The following PLCL2 variants were observed in gnomAD, a reference collection of about 807,000 sequenced individuals.
The protein encoded by PLCL2 is phospholipase C like 2.
A neutral mutation model predicts 79.6 loss-of-function variants in PLCL2; 4 were observed. The observed-to-expected ratio is 0.05, with a 90% CI of 0.02 to 0.11. PLCL2 has a LOEUF of 0.11. Ranked by LOEUF, PLCL2 falls within the 10% of genes least tolerant of loss-of-function variation. The probability of loss-of-function intolerance (pLI) is 1.00; values close to 1 mark genes in which losing one functional copy is unlikely to be tolerated. For synonymous variants in PLCL2, 484 were observed against 457.7 expected (o/e 1.06, Z -0.73); for missense variants, 895 against 1,291.0 (o/e 0.69, Z 4.70).
intron 1 of PLCL2, among the ~76,000 whole-genome samples, chr3:16,998,199 A>ATT (rs11425532): frequency 6.6e-6 from 1 of 151,448 alleles, no homozygotes; most frequent in African/African-American, 2.4e-5. Flanking sequence ...GAGGAAAATA[A>ATT]TTTTTTTTTC....
intron 1 of PLCL2, among the ~76,000 whole-genome samples, chr3:17,002,834 C>T (rs1299673241): frequency 6.6e-6 from 1 of 152,044 alleles, no homozygotes; most frequent in Non-Finnish European, 1.5e-5. Context: ...TTTCTATTGA[C>T]CTATCTGCAA....
At chr3:17,002,730 G>A (rs967680865) in intron 1 of PLCL2, among the ~76,000 whole-genome samples, 29 of 151,926 alleles carry the variant, frequency 1.9e-4, no homozygotes, top group African/African-American at 2.7e-4. Flanking sequence ...TTGTTTTCAC[G>A]TATGTTAGAT....
intron 1 of PLCL2, among the ~76,000 whole-genome samples, chr3:16,891,499 A>G (rs760132450): frequency 3.9e-5 from 6 of 152,136 alleles, no homozygotes; most frequent in Non-Finnish European, 8.8e-5. Context: ...GGCATGTTCC[A>G]TAAATGCTTT....
At chr3:16,966,380 G>A (rs1264926837) in intron 1 of PLCL2, among the ~76,000 whole-genome samples, 1 of 152,204 alleles carries the variant, frequency 6.6e-6, no homozygotes, top group African/African-American at 2.4e-5. Context: ...ACTTGATCAT[G>A]GTGGATAAGC....
intron 1 of PLCL2, among the ~76,000 whole-genome samples, chr3:16,911,964 A>G (rs1446312019): frequency 2.0e-5 from 3 of 152,198 alleles, no homozygotes; most frequent in Non-Finnish European, 4.4e-5. Flanking sequence ...TATATGTATA[A>G]GATGTATATG....
intron 1 of PLCL2, among the ~76,000 whole-genome samples, chr3:16,958,323 ATGTT>A (rs1215287980): frequency 2.6e-5 from 4 of 152,246 alleles, no homozygotes; most frequent in African/African-American, 4.8e-5. Flanking sequence ...TTTTAAAACA[ATGTT>A]TGTAAAAATG....
Position 17,009,655 on chromosome 3 carries a change from G to T in PLCL2, c.328-19G>T. Reference sequence around the variant, plus strand: ...CTATATTTATGTTATTCTAATATACGGTCTTTTTTTCCTCTCAGGATGGTA... The same window carrying T: ...CTATATTTATGTTATTCTAATATACTGTCTTTTTTTCCTCTCAGGATGGTA... On this transcript the variant is annotated intron_variant, in intron 1 of 5. Transcript: ENST00000615277. This position sits in a 1 kb window ranked among gnomAD's most constrained non-coding sequence, Gnocchi z 4.0. The T allele has an allele frequency of 1.5e-6, 2 of 1,290,500 alleles. No homozygotes were observed. The highest frequency in any genetic ancestry group is 1.4e-5 in the South Asian group (1 of 70,748). The allele number at this position is 1,290,500 out of a possible 1,614,324, so 79.9% of individuals were successfully genotyped here.
chr3:17,008,340 T>C (rs1258694597), intron 1 of PLCL2, among the ~76,000 whole-genome samples: 1 of 150,590 alleles, frequency 6.6e-6, no homozygotes, highest in Non-Finnish European at 1.5e-5. Context: ...AGAGAGGAAT[T>C]TCTGCTGGAA....
At chr3:17,071,058 A>C (rs1244784037) in intron 5 of PLCL2, among the ~76,000 whole-genome samples, 1 of 152,090 alleles carries the variant, frequency 6.6e-6, no homozygotes, top group East Asian at 1.9e-4. Context: ...TTCTTGGGGG[A>C]TTCTGAGGCA....
intron 1 of PLCL2, among the ~76,000 whole-genome samples, chr3:16,939,809 G>A (rs367559546): frequency 1.1e-4 from 16 of 152,180 alleles, no homozygotes; most frequent in African/African-American, 3.1e-4. Context: ...GTTTTCCTAC[G>A]AAGTAACATA....
At chr3:17,075,211 A>G (rs962661485) in intron 5 of PLCL2, among the ~76,000 whole-genome samples, 4 of 152,128 alleles carry the variant, frequency 2.6e-5, no homozygotes, top group African/African-American at 7.2e-5. Context: ...TAATTTTCAT[A>G]TTGTTATGTC....
chr3:16,904,064 C>T (rs1052136063), intron 1 of PLCL2, among the ~76,000 whole-genome samples: 5 of 152,036 alleles, frequency 3.3e-5, no homozygotes, highest in Non-Finnish European at 7.4e-5. Flanking sequence ...GGTAAGAAAA[C>T]TTTAGTCCTG....
At chr3:16,931,291 G>T (rs1040795645) in intron 1 of PLCL2, among the ~76,000 whole-genome samples, 1 of 152,090 alleles carries the variant, frequency 6.6e-6, no homozygotes, top group Non-Finnish European at 1.5e-5. Context: ...TGGCACATAT[G>T]TAAGCACAAA....
chr3:17,081,886 T>C (rs1397118755), intron 5 of PLCL2, among the ~76,000 whole-genome samples: 2 of 152,178 alleles, frequency 1.3e-5, no homozygotes, highest in African/African-American at 4.8e-5. Flanking sequence ...TGACCTAAGG[T>C]TGTTATAACT....
At chr3:17,014,644 T>C in intron 2 of PLCL2, 64 bp from the exon 3 acceptor site, 1 of 1,237,824 alleles carries the variant, frequency 8.1e-7, no homozygotes, top group East Asian at 2.3e-5. Flanking sequence ...ATATCAAATA[T>C]AATATCCATG....
chr3:17,032,443 T>A (rs1301879257), intron 3 of PLCL2, among the ~76,000 whole-genome samples: 2 of 152,202 alleles, frequency 1.3e-5, no homozygotes, highest in Non-Finnish European at 2.9e-5. Flanking sequence ...ATTGTTTTGA[T>A]TCCCCTAAGC....
In PLCL2 at chr3:16,989,211, G is replaced by C. The variant is rs184430952; in HGVS notation, c.328-20463G>C. 5.3e-4 allele frequency among the ~76,000 whole-genome samples: 80 copies of C among 152,234 alleles called. 1 individual carries two copies. The highest frequency in any genetic ancestry group is 1.9e-3 in the African/African-American group (78 of 41,520). On this transcript the variant is annotated intron_variant, in intron 1 of 5. Coordinates refer to ENST00000615277, the MANE Select transcript of PLCL2 (RefSeq NM_001144382.2). ...GCCTCATTTACATATATGAATGATA[G>C]TCCCTCTTTCCAGATACTCATTTCT...
At chr3:16,980,405 C>T (rs2063976866) in intron 1 of PLCL2, among the ~76,000 whole-genome samples, 2 of 148,916 alleles carry the variant, frequency 1.3e-5, no homozygotes, top group Admixed American at 6.6e-5. Context: ...CGGAGGGGCT[C>T]CTCACTTCTC....
rs940351279 is a variant in PLCL2 at position 16,887,228 on chromosome 3, T to C, written c.327+1862T>C. 5.3e-5 allele frequency among the ~76,000 whole-genome samples: 8 copies of C among 152,234 alleles called. No individual in the cohort carries two copies. The highest frequency in any genetic ancestry group is 1.0e-4 in the Non-Finnish European group (7 of 68,044). ...TACTTATGTTGAATTCTGAAACTTT[T>C]AAGGATATTTTGTCATTTTTCTTCT... On this transcript the variant is annotated intron_variant, in intron 1 of 5. Transcript: ENST00000615277. The surrounding 1 kb of genome is among the most constrained non-coding windows in gnomAD (Gnocchi z 4.1).
Sources: gnomAD v4.1 joint callset for allele counts (sites outside exome capture counted in the v4.1 genomes callset) on GRCh38, gnomAD v4.1.1 for gene constraint, Gnocchi (gnomAD v3.1) non-coding constraint, MANE v1.5 for transcripts, NCBI Gene and HGNC (gene_info 2026-07-23, HGNC 2026-07-21) for gene names.